HSD17B12: variants seen among roughly 807,000 people sequenced by gnomAD.
HSD17B12 encodes the protein hydroxysteroid 17-beta dehydrogenase 12.
Under a neutral mutation model 39.3 loss-of-function variants are expected in HSD17B12, and 32 were observed. The ratio of observed to expected loss-of-function variants is 0.81; its 90% CI spans 0.61 to 1.09. The LOEUF (loss-of-function observed/expected upper bound fraction) is 1.09, where lower values mean the gene tolerates loss of function less well. Among genes scored for constraint, HSD17B12 ranks in the 50% least tolerant of loss-of-function variants. The probability of loss-of-function intolerance (pLI) is 0.00; values close to 1 mark genes in which losing one functional copy is unlikely to be tolerated. For synonymous variants in HSD17B12, 150 were observed against 146.7 expected (o/e 1.02, Z -0.16); for missense variants, 342 against 382.9 (o/e 0.89, Z 0.89).
chr11:43,746,514 C>G (rs971537458), intron 1 of HSD17B12, among the ~76,000 whole-genome samples: 12 of 152,164 alleles, frequency 7.9e-5, no homozygotes, highest in African/African-American at 2.9e-4. Context: ...CTCAATCACA[C>G]ACATAGAGCT....
chr11:43,825,139 A>AT (rs1781145919), intron 6 of HSD17B12, among the ~76,000 whole-genome samples: 1 of 151,836 alleles, frequency 6.6e-6, no homozygotes, highest in South Asian at 2.1e-4. Flanking sequence ...TCAAAAAAAA[A>AT]AAAAATTTGG....
intron 9 of HSD17B12, among the ~76,000 whole-genome samples, chr11:43,841,754 CCT>C (rs1951428346): frequency 6.6e-6 from 1 of 152,184 alleles, no homozygotes; most frequent in Non-Finnish European, 1.5e-5. Flanking sequence ...GCTGCTCCTG[CCT>C]ATCAGCTACC....
intron 7 of HSD17B12, chr11:43,837,915 G>A (rs1209847150): frequency 5.9e-6 from 1 of 170,822 alleles, no homozygotes; most frequent in African/African-American, 2.4e-5. Context: ...TACATAGAAT[G>A]ATTAAATCCT....
chr11:43,588,657 G>A, the HSD17B12 span, among the ~76,000 whole-genome samples: 1 of 129,030 alleles, frequency 7.8e-6, no homozygotes, highest in African/African-American at 2.6e-5. Flanking sequence ...TTTCCTGTCT[G>A]ACACACATAG....
the HSD17B12 span, chr11:43,673,382 A>G: frequency 0.061 from 9,246 of 152,374 alleles, 330 homozygotes; most frequent in South Asian, 0.12. Context: ...ATGAAGCAGA[A>G]ATCTAATGTG....
At chr11:43,842,798 G>T (rs1001167915) in intron 9 of HSD17B12, among the ~76,000 whole-genome samples, 2 of 152,210 alleles carry the variant, frequency 1.3e-5, no homozygotes, top group African/African-American at 2.4e-5. Flanking sequence ...GTCCATTGGT[G>T]ATTGACTATA....
chr11:43,665,018 A>T, the HSD17B12 span, among the ~76,000 whole-genome samples: 1 of 152,222 alleles, frequency 6.6e-6, no homozygotes, highest in Non-Finnish European at 1.5e-5. Context: ...AAAGAGACCC[A>T]TGTTAAAGTC....
intron 3 of HSD17B12, among the ~76,000 whole-genome samples, chr11:43,767,357 A>G (rs1242227973): frequency 6.6e-6 from 1 of 152,220 alleles, no homozygotes; most frequent in African/African-American, 2.4e-5. Flanking sequence ...ACCTTCAGCT[A>G]TAAAAGAATT....
intron 1 of HSD17B12, among the ~76,000 whole-genome samples, chr11:43,694,802 A>G (rs1360771733): frequency 1.3e-5 from 2 of 151,884 alleles, no homozygotes; most frequent in Non-Finnish European, 2.9e-5. Context: ...GGGCTTTACT[A>G]CAGACCTACA....
At chr11:43,580,117 G>A in the HSD17B12 span, among the ~76,000 whole-genome samples, 1 of 151,240 alleles carries the variant, frequency 6.6e-6, no homozygotes, top group Non-Finnish European at 1.5e-5. Context: ...GCTGCACTGC[G>A]AAGAAGGGCA....
chr11:43,649,873 G>A, the HSD17B12 span, among the ~76,000 whole-genome samples: 3 of 152,268 alleles, frequency 2.0e-5, no homozygotes, highest in South Asian at 2.1e-4. Flanking sequence ...TCACTATGTC[G>A]TGAGAAACCC....
At chr11:43,558,563 G>T in the HSD17B12 span, among the ~76,000 whole-genome samples, 4 of 152,080 alleles carry the variant, frequency 2.6e-5, no homozygotes, top group Admixed American at 1.3e-4. Flanking sequence ...TGGAACACAG[G>T]GGGAGGAGGG....
At chr11:43,648,626 C>T in the HSD17B12 span, among the ~76,000 whole-genome samples, 5,288 of 152,282 alleles carry the variant, frequency 0.035, 134 homozygotes, top group Middle Eastern at 0.058. Flanking sequence ...TAAAGCAGTT[C>T]TATATGTGTT....
the HSD17B12 span, among the ~76,000 whole-genome samples, chr11:43,567,667 T>C: frequency 1.3e-5 from 2 of 152,198 alleles, no homozygotes; most frequent in African/African-American, 4.8e-5. Flanking sequence ...TCCTGGCACC[T>C]TGAAGCAAGG....
chr11:43,779,550 T>C (rs1002731998), intron 3 of HSD17B12, among the ~76,000 whole-genome samples: 3 of 152,210 alleles, frequency 2.0e-5, no homozygotes, highest in African/African-American at 4.8e-5. Context: ...TGGCCCGAGA[T>C]ACCTTGCTGT....
intron 4 of HSD17B12, among the ~76,000 whole-genome samples, chr11:43,809,469 C>G (rs1369283663): frequency 6.6e-6 from 1 of 152,126 alleles, no homozygotes; most frequent in East Asian, 1.9e-4. Flanking sequence ...CTAAAGTATA[C>G]ATTTTAAAAA....
intron 3 of HSD17B12, among the ~76,000 whole-genome samples, chr11:43,757,505 C>T (rs1950516828): frequency 1.3e-5 from 2 of 149,590 alleles, no homozygotes; most frequent in Admixed American, 6.6e-5. Context: ...CGGTGGCGGG[C>T]GCCTGTAGTC....
At chr11:43,704,675 C>T (rs1446087841) in intron 1 of HSD17B12, among the ~76,000 whole-genome samples, 4 of 152,142 alleles carry the variant, frequency 2.6e-5, no homozygotes, top group Non-Finnish European at 5.9e-5. Context: ...ATGCATATCG[C>T]AGTTCTGGAC....
At position 43,831,354 on chromosome 11, in the gene HSD17B12, G is replaced by GT. The variant is rs1565105449; in HGVS notation, c.536+345dup. 6.1e-6 allele frequency: 1 copy of GT among 164,022 alleles called. No homozygotes were observed. Among genetic ancestry groups the GT allele is most frequent in the African/African-American group, 2.4e-5 (1 of 41,906 alleles). The allele number at this position is 164,022 out of a possible 1,614,324, so 10.2% of individuals were successfully genotyped here. A position where few individuals can be genotyped will look rare whatever the true frequency, so the allele number is the denominator to read the frequency against. ...TTCCCGGGAATACCTTCTTAAAGCT[G>GT]TATTCTCTCAAAGCCAAAATCAGTG... is the stretch of plus-strand genomic sequence containing the variant. On this transcript the variant is annotated intron_variant, in intron 7 of 10. Coordinates refer to ENST00000278353, the MANE Select transcript of HSD17B12 (RefSeq NM_016142.3). This position sits in a 1 kb window ranked among gnomAD's most constrained non-coding sequence, Gnocchi z 4.1.
Sources: allele counts gnomAD v4.1 joint callset (sites outside exome capture counted in the v4.1 genomes callset), GRCh38; gene constraint gnomAD v4.1.1; non-coding constraint Gnocchi (gnomAD v3.1); transcripts MANE v1.5; gene names NCBI Gene and HGNC (gene_info 2026-07-23, HGNC 2026-07-21).